GPC3: variants seen among roughly 807,000 people sequenced by gnomAD.
GPC3 encodes glypican 3, also known as glypican-3.
In GPC3, 3 loss-of-function variants were observed where a neutral mutation model predicts 34.4. The ratio of observed to expected loss-of-function variants is 0.09; its 90% CI spans 0.04 to 0.23. The LOEUF (loss-of-function observed/expected upper bound fraction) is 0.23, where lower values mean the gene tolerates loss of function less well. GPC3 is among the 10% of genes least tolerant of loss of function. The probability of loss-of-function intolerance (pLI) is 1.00; values close to 1 mark genes in which losing one functional copy is unlikely to be tolerated. For synonymous variants in GPC3, 177 were observed against 174.0 expected (o/e 1.02, Z -0.13); for missense variants, 351 against 445.6 (o/e 0.79, Z 1.91).
chrX:133,897,205 CTT>C (rs760491025), intron 2 of GPC3, among the ~76,000 whole-genome samples: 2,665 of 82,608 alleles, frequency 0.032, 185 homozygotes, highest in African/African-American at 0.13. Flanking sequence ...CGTGCCCGGC[CTT>C]TTTTTTTTTT....
intron 6 of GPC3, among the ~76,000 whole-genome samples, chrX:133,660,448 C>T (rs1464476187): frequency 8.9e-6 from 1 of 111,799 alleles, no homozygotes; most frequent in African/African-American, 3.3e-5. Flanking sequence ...ACAAAGCAAT[C>T]ATAAGCAGAT....
rs150053603 is a variant in GPC3, at chrX:133,894,576, A to G, written c.337+58474T>C. ...CTGAAGAGGCCGGGCACGGTGGCTC[A>G]CGCCTGTGGTCCTAGTACTTTGGGA... is the stretch of plus-strand genomic sequence containing the variant. On this transcript the variant is annotated intron_variant, in intron 2 of 7. Transcript: ENST00000370818. Among the ~76,000 whole-genome samples the G allele has an allele frequency of 1.4e-4, 16 of 112,326 alleles. No individual in the cohort carries two copies. The South Asian group carries it at 2.6e-3, about 18-fold the overall frequency.
Position 133,661,841 on chromosome X carries a change from T to C in GPC3, c.1302A>G (p.Gln434=), listed in dbSNP as rs1251283186. 5.8e-6 allele frequency: 7 copies of C among 1,198,652 alleles called. No homozygotes were observed. The highest frequency in any genetic ancestry group is 7.9e-6 in the Non-Finnish European group (7 of 885,517). ...TTTTCATTCCATTCCTTGCTGCCTTTTGGCTGTATCTGTAAAGGTGAAGGT... is the reference window on the plus strand; with the variant it reads ...TTTTCATTCCATTCCTTGCTGCCTTCTGGCTGTATCTGTAAAGGTGAAGGT... The part of the protein sequence containing the change: ...NGQELVERYS[Q]KAARNGMKNQ... Residue 434 remains glutamine, a synonymous_variant, in exon 6 of 8, where the codon CAA becomes CAG. Transcript: ENST00000370818.
At chrX:133,716,348 G>T (rs2071313165) in intron 3 of GPC3, among the ~76,000 whole-genome samples, 1 of 112,101 alleles carries the variant, frequency 8.9e-6, no homozygotes. Context: ...CCAGATATGG[G>T]CTTTATTAGA....
intron 6 of GPC3, among the ~76,000 whole-genome samples, chrX:133,607,464 C>T (rs755276203): frequency 2.7e-5 from 3 of 110,835 alleles, no homozygotes; most frequent in Admixed American, 9.6e-5. Context: ...ATGGGGGTCT[C>T]GCTATGTTGC....
intron 5 of GPC3, among the ~76,000 whole-genome samples, chrX:133,683,743 T>C (rs2070968865): frequency 8.9e-6 from 1 of 112,372 alleles, no homozygotes; most frequent in South Asian, 3.7e-4. Context: ...GTCAGCAGCA[T>C]AAGCTGTGTT....
In GPC3 at chrX:133,625,791, C is replaced by G. The variant is rs773727931; in HGVS notation, c.1414-29192G>C. ...TCCCCATCAAGCTACCAATGACTTT[C>G]TTCACAGAATTGGAAAAAACTACTT... On this transcript the variant is annotated intron_variant, in intron 6 of 7. Transcript: ENST00000370818. Among the ~76,000 whole-genome samples the G allele has an allele frequency of 4.5e-5, 5 of 112,157 alleles. No individual in the cohort carries two copies. The South Asian group carries it at 1.8e-3, about 41-fold the overall frequency.
At chrX:133,562,228 C>T (rs895091903) in intron 7 of GPC3, among the ~76,000 whole-genome samples, 2 of 111,476 alleles carry the variant, frequency 1.8e-5, no homozygotes. Context: ...GAAGGAGTCA[C>T]GAGCAGTTTT....
intron 2 of GPC3, among the ~76,000 whole-genome samples, chrX:133,949,401 CT>C (rs1003448444): frequency 1.9e-4 from 21 of 111,300 alleles, no homozygotes; most frequent in South Asian, 7.6e-4. Context: ...GGATCCCCCC[CT>C]AGAAAGCCAG....
chrX:133,899,959 C>T (rs746466421), intron 2 of GPC3, among the ~76,000 whole-genome samples: 8 of 111,023 alleles, frequency 7.2e-5, no homozygotes, highest in Non-Finnish European at 1.1e-4. Context: ...CCCGCCACCA[C>T]GCCTGGCTAA....
intron 3 of GPC3, among the ~76,000 whole-genome samples, chrX:133,726,169 C>T (rs2071405341): frequency 8.9e-6 from 1 of 111,826 alleles, no homozygotes; most frequent in African/African-American, 3.3e-5. Context: ...ATCTGCCTCA[C>T]GTCCTGCCAT....
At chrX:133,672,967 A>G (rs2070846302) in intron 5 of GPC3, among the ~76,000 whole-genome samples, 1 of 96,896 alleles carries the variant, frequency 1.0e-5, no homozygotes, top group South Asian at 4.8e-4. Context: ...TTTAAGATGG[A>G]GTCTTGCTCT....
chrX:133,557,478 A>G (rs955752688), intron 7 of GPC3, among the ~76,000 whole-genome samples: 2 of 110,954 alleles, frequency 1.8e-5, no homozygotes, highest in Non-Finnish European at 3.8e-5. Context: ...AAAAACAAAA[A>G]CAAACACAAC....
chrX:133,905,666 T>C (rs1160097120), intron 2 of GPC3, among the ~76,000 whole-genome samples: 1 of 111,497 alleles, frequency 9.0e-6, no homozygotes, highest in Non-Finnish European at 1.9e-5. Flanking sequence ...TTTGTAGAAA[T>C]GTCAATCTAA....
intron 2 of GPC3, among the ~76,000 whole-genome samples, chrX:133,893,426 AT>A (rs2076097010): frequency 9.1e-6 from 1 of 109,559 alleles, no homozygotes; most frequent in Non-Finnish European, 1.9e-5. Flanking sequence ...TTTATTTTTT[AT>A]TTTTTAATTT....
At chrX:133,690,024 G>A (rs931969548) in intron 5 of GPC3, among the ~76,000 whole-genome samples, 4 of 111,605 alleles carry the variant, frequency 3.6e-5, no homozygotes, top group Admixed American at 9.5e-5. Flanking sequence ...AAATGTTCAT[G>A]ATTCTTCTTA....
intron 2 of GPC3, among the ~76,000 whole-genome samples, chrX:133,778,227 A>C (rs1332178851): frequency 1.8e-5 from 2 of 111,735 alleles, no homozygotes; most frequent in Non-Finnish European, 3.8e-5. Context: ...AGAGAATTAT[A>C]TTGGGATGGT....
chrX:133,966,408 G>A (rs181672013), intron 1 of GPC3, among the ~76,000 whole-genome samples: 68 of 112,446 alleles, frequency 6.0e-4, no homozygotes, highest in Non-Finnish European at 9.6e-4. Flanking sequence ...TGGAGATGTT[G>A]TTTAACAAGC....
intron 2 of GPC3, among the ~76,000 whole-genome samples, chrX:133,904,205 C>T (rs750968716): frequency 8.8e-4 from 99 of 112,161 alleles, no homozygotes; most frequent in Admixed American, 3.6e-3. Flanking sequence ...CCCGTTCACT[C>T]TCTCATCATT....
Sources: allele counts gnomAD v4.1 joint callset (sites outside exome capture counted in the v4.1 genomes callset), GRCh38; gene constraint gnomAD v4.1.1; transcripts MANE v1.5; gene names NCBI Gene and HGNC (gene_info 2026-07-23, HGNC 2026-07-21).